EDARADD: variants seen among roughly 807,000 people sequenced by gnomAD.
EDARADD encodes the protein ectodysplasin-A receptor-associated adapter protein.
A neutral mutation model predicts 25.6 loss-of-function variants in EDARADD; 20 were observed. The observed-to-expected ratio is 0.78, with a 90% CI of 0.55 to 1.14. EDARADD has a LOEUF of 1.14. Ranked by LOEUF, EDARADD falls within the 50% of genes most tolerant of loss-of-function variation. EDARADD has a pLI of 0.00. For synonymous variants in EDARADD, 86 were observed against 94.4 expected (o/e 0.91, Z 0.52); for missense variants, 225 against 270.1 (o/e 0.83, Z 1.17).
At chr1:236,429,435 T>C (rs1484619510) in intron 4 of EDARADD, among the ~76,000 whole-genome samples, 3 of 151,836 alleles carry the variant, frequency 2.0e-5, no homozygotes, top group Admixed American at 6.6e-5. Flanking sequence ...TGGAGTGCAG[T>C]GGTGCGATCT....
At chr1:236,394,991 A>G (rs901002147) in intron 1 of EDARADD, among the ~76,000 whole-genome samples, 1 of 152,046 alleles carries the variant, frequency 6.6e-6, no homozygotes, top group South Asian at 2.1e-4. Flanking sequence ...AATGCCAAAG[A>G]AAAATCAAAA....
At chr1:236,478,837 C>T (rs1057285398) in intron 5 of EDARADD, among the ~76,000 whole-genome samples, 24 of 152,196 alleles carry the variant, frequency 1.6e-4, no homozygotes, top group Admixed American at 4.6e-4. Context: ...CCACCCGCCT[C>T]GGCCTCCCAA....
intron 3 of EDARADD, among the ~76,000 whole-genome samples, chr1:236,366,741 C>CTCTCTTTTTTTTTTTTTT (rs146073425): frequency 6.9e-6 from 1 of 144,214 alleles, no homozygotes; most frequent in African/African-American, 2.5e-5. Flanking sequence ...TCATCTCTCT[C>CTCTCTTTTTTTTTTTTTT]TTTTTTTTGT....
chr1:236,483,554 G>A lies in EDARADD; in HGVS notation c.*905G>A, dbSNP rs1052310147. ...GTGCTGTTGAGAAGGGGGTTCCCCTGTACCACCACATCGCCGACTTGTCTG... is the reference window on the plus strand; with the variant it reads ...GTGCTGTTGAGAAGGGGGTTCCCCTATACCACCACATCGCCGACTTGTCTG... On this transcript the variant is annotated 3_prime_UTR_variant, in exon 6 of 6. Coordinates refer to ENST00000334232, the MANE Select transcript of EDARADD (RefSeq NM_145861.4). 3 of 1,224,790 alleles carry A rather than the reference G, an allele frequency of 2.4e-6. No individual in the cohort carries two copies. The highest frequency in any genetic ancestry group is 3.6e-6 in the Non-Finnish European group (3 of 827,598). 75.9% of individuals were successfully genotyped at this position (1,224,790 alleles called of 1,614,324 possible). A position where few individuals can be genotyped will look rare whatever the true frequency, so the allele number is the denominator to read the frequency against.
intron 1 of EDARADD, among the ~76,000 whole-genome samples, chr1:236,406,271 A>C (rs954444961): frequency 1.3e-5 from 2 of 152,130 alleles, no homozygotes; most frequent in Non-Finnish European, 2.9e-5. Context: ...GCTAGGAACC[A>C]GCGTGTGAGA....
At chr1:236,463,059 C>CAA (rs899675024) in intron 4 of EDARADD, among the ~76,000 whole-genome samples, 1 of 107,648 alleles carries the variant, frequency 9.3e-6, no homozygotes, top group Non-Finnish European at 2.0e-5. Flanking sequence ...TTAATTTACA[C>CAA]ACACATTTAA....
At chr1:236,455,071 G>A (rs772969156) in intron 4 of EDARADD, among the ~76,000 whole-genome samples, 9 of 152,244 alleles carry the variant, frequency 5.9e-5, no homozygotes, top group South Asian at 4.2e-4. Flanking sequence ...TTAGCTGGGC[G>A]TGGTGGCGGG....
At chr1:236,403,201 C>A (rs1289344867) in intron 1 of EDARADD, among the ~76,000 whole-genome samples, 1 of 152,138 alleles carries the variant, frequency 6.6e-6, no homozygotes, top group Non-Finnish European at 1.5e-5. Context: ...AGTGATCCAC[C>A]CGCCTTGGCC....
chr1:236,394,195 T>C (rs1667472061), upstream of EDARADD: 1 of 494,000 alleles, frequency 2.0e-6, no homozygotes, highest in Non-Finnish European at 3.6e-6. Context: ...TCCATCTCCA[T>C]GAGAAGTACA....
At position 236,447,170 on chromosome 1, in the gene EDARADD, C is replaced by CTCTTTCTTTCTTTCTTTCTT. The variant is rs1240943288; in HGVS notation, c.219+19755_219+19774dup. 2.2e-4 allele frequency among the ~76,000 whole-genome samples: 21 copies of CTCTTTCTTTCTTTCTTTCTT among 93,710 alleles called. No homozygotes were observed. In the East Asian group the frequency reaches 3.1e-3, roughly 14 times the overall value. The allele number at this position is 93,710 out of a possible 152,430, so 61.5% of individuals were successfully genotyped here. A position where few individuals can be genotyped will look rare whatever the true frequency, so the allele number is the denominator to read the frequency against. On this transcript the variant is annotated intron_variant, in intron 4 of 5. Transcript: ENST00000334232. The stretch of plus-strand genomic sequence containing the variant: ...CCTTCCTTCCTCCCTCCCTCCCTCC[C>CTCTTTCTTTCTTTCTTTCTT]TCTTTCTTTCTTTCTTTCTTTCTTT...
chr1:236,470,093 G>A lies in EDARADD; in HGVS notation c.265+1817G>A, dbSNP rs150188260. Among the ~76,000 whole-genome samples, 341 of 152,194 alleles carry A rather than the reference G, an allele frequency of 2.2e-3. 3 individuals are homozygous for A. The highest frequency in any genetic ancestry group is 7.9e-3 in the African/African-American group (328 of 41,548). On this transcript the variant is annotated intron_variant, in intron 5 of 5. Transcript: ENST00000334232. ...ATTACAGGCATGAGCCACCACGCCT[G>A]GTGAGTTTTTATTTTCTTTCCACTA...
chr1:236,430,132 A>T (rs1658055432), intron 4 of EDARADD, among the ~76,000 whole-genome samples: 1 of 152,218 alleles, frequency 6.6e-6, no homozygotes, highest in African/African-American at 2.4e-5. Context: ...GAAAATGGTC[A>T]GTGGTGCTAG....
chr1:236,450,839 G>A (rs1325334050), intron 4 of EDARADD, among the ~76,000 whole-genome samples: 1 of 152,086 alleles, frequency 6.6e-6, no homozygotes, highest in African/African-American at 2.4e-5. Context: ...GTGAGTCACT[G>A]CATCCAGCCT....
At chr1:236,481,319 A>G (rs1659665282) in intron 5 of EDARADD, among the ~76,000 whole-genome samples, 1 of 152,070 alleles carries the variant, frequency 6.6e-6, no homozygotes, top group Non-Finnish European at 1.5e-5. Context: ...AGCCCCTTTT[A>G]CCCCGGAGAG....
intron 3 of EDARADD, among the ~76,000 whole-genome samples, chr1:236,423,514 A>G (rs1325878148): frequency 6.6e-6 from 1 of 152,174 alleles, no homozygotes; most frequent in Non-Finnish European, 1.5e-5. Context: ...ATGTAATGTC[A>G]TCACACTCAT....
Position 236,484,708 on chromosome 1 carries a change from GAAAAAAAAA to G in EDARADD, c.*2070_*2078del. The G allele has an allele frequency of 6.7e-6, 1 of 148,424 alleles. No homozygotes were observed. Among genetic ancestry groups the G allele is most frequent in the Non-Finnish European group, 1.3e-5 (1 of 75,808 alleles). The allele number at this position is 148,424 out of a possible 1,614,324, so 9.2% of individuals were successfully genotyped here. On this transcript the variant is annotated 3_prime_UTR_variant, in exon 6 of 6. Coordinates refer to ENST00000334232, the MANE Select transcript of EDARADD (RefSeq NM_145861.4). This position sits in a 1 kb window ranked among gnomAD's most constrained non-coding sequence, Gnocchi z 4.1. ...GGAGACAGAGTGAGAGTCCGTCCCA[GAAAAAAAAA>G]AAAAAAAAAAGAACTTCTACAGAAG... is the stretch of plus-strand genomic sequence containing the variant.
chr1:236,405,777 C>CTTTTCTTTCT (rs1553265505), intron 1 of EDARADD, among the ~76,000 whole-genome samples: 18 of 68,200 alleles, frequency 2.6e-4, no homozygotes, highest in African/African-American at 8.8e-4. Flanking sequence ...TTCTTTCTTT[C>CTTTTCTTTCT]TTTCTTTCTT....
intron 1 of EDARADD, among the ~76,000 whole-genome samples, chr1:236,397,277 G>C (rs1667534011): frequency 6.6e-6 from 1 of 152,154 alleles, no homozygotes; most frequent in Non-Finnish European, 1.5e-5. Context: ...AAATGTGCCA[G>C]TGCATACCTA....
At chr1:236,408,840 G>A (rs186398870) in intron 1 of EDARADD, among the ~76,000 whole-genome samples, 17 of 151,944 alleles carry the variant, frequency 1.1e-4, no homozygotes, top group African/African-American at 1.7e-4. Flanking sequence ...TGCAACCTCC[G>A]ACTCCTGGGC....
Sources: allele counts gnomAD v4.1 joint callset (sites outside exome capture counted in the v4.1 genomes callset), GRCh38; gene constraint gnomAD v4.1.1; non-coding constraint Gnocchi (gnomAD v3.1); transcripts MANE v1.5; gene names NCBI Gene and HGNC (gene_info 2026-07-23, HGNC 2026-07-21).